Variants in SLA2 observed in about 807,000 individuals in gnomAD.
The protein encoded by SLA2 is Src like adaptor 2.
Under a neutral mutation model 27.3 loss-of-function variants are expected in SLA2, and 22 were observed. That is an observed-to-expected ratio of 0.81 (90% CI 0.58 to 1.15). The LOEUF (loss-of-function observed/expected upper bound fraction) is 1.15. Among genes scored for constraint, SLA2 ranks in the 50% most tolerant of loss-of-function variants. The pLI is 0.00. For synonymous variants in SLA2, 131 were observed against 137.8 expected (o/e 0.95, Z 0.34); for missense variants, 304 against 322.2 (o/e 0.94, Z 0.43).
chr20:36,617,772 G>A (rs6101451), intron 5 of SLA2, among the ~76,000 whole-genome samples: 3,962 of 151,220 alleles, frequency 0.026, 182 homozygotes, highest in African/African-American at 0.091. Flanking sequence ...CAGGAGACTC[G>A]CTTGAACCCA....
intron 3 of SLA2, among the ~76,000 whole-genome samples, chr20:36,634,234 C>A (rs1293903391): frequency 6.6e-6 from 1 of 152,090 alleles, no homozygotes; most frequent in Non-Finnish European, 1.5e-5. Context: ...GATCTGCCCA[C>A]CTCAGCCTCC....
chr20:36,615,892 T>C (rs754742926), intron 5 of SLA2, among the ~76,000 whole-genome samples: 32 of 152,236 alleles, frequency 2.1e-4, no homozygotes, highest in African/African-American at 5.8e-4. Context: ...TTTGTAAAAG[T>C]CAAAAACGGC....
In SLA2 at chr20:36,618,854, C is replaced by T. The variant is rs1025555051; in HGVS notation, c.383-3480G>A. On this transcript the variant is annotated intron_variant, in intron 5 of 7. Coordinates refer to ENST00000262866, the MANE Select transcript of SLA2 (RefSeq NM_032214.4). The stretch of plus-strand genomic sequence containing the variant: ...CCCAGGCAGCGGAGATTGCAGTGAG[C>T]CGAGATTGTACCATTTCACTACAGC... 2.2e-5 allele frequency among the ~76,000 whole-genome samples: 3 copies of T among 135,088 alleles called. No individual in the cohort carries two copies. In the Admixed American group the frequency reaches 2.6e-4, roughly 12 times the overall value. 88.6% of individuals were successfully genotyped at this position (135,088 alleles called of 152,430 possible).
rs1171943057 is a variant in SLA2, at chr20:36,613,889, C to T, written c.763G>A (p.Ala255Thr). Residue 255 changes from alanine (A) to threonine (T), a missense_variant, in exon 8 of 8, where the codon GCT becomes ACT. Ala to Thr is a moderately conservative substitution (Grantham distance 58). Coordinates refer to ENST00000262866, the MANE Select transcript of SLA2 (RefSeq NM_032214.4). ...LSFYISLNDE[A>T]VSLDDA ...GCCTAGGCATCATCCAAAGAGACAG[C>T]CTCGTCATTCAGGCTGATGTAGAAG... 5.0e-6 allele frequency: 8 copies of T among 1,613,916 alleles called. No homozygotes were observed. The highest frequency in any genetic ancestry group is 6.8e-6 in the Non-Finnish European group (8 of 1,179,930).
chr20:36,620,083 T>G (rs1454659120), intron 5 of SLA2, among the ~76,000 whole-genome samples: 1 of 149,984 alleles, frequency 6.7e-6, no homozygotes, highest in East Asian at 2.0e-4. Context: ...AGAGCGAGAT[T>G]CCACCTCAAG....
chr20:36,614,567 C>A (rs968374393), intron 6 of SLA2, 130 bp from the exon 7 acceptor site: 4 of 1,455,906 alleles, frequency 2.7e-6, no homozygotes, highest in Non-Finnish European at 3.6e-6. Flanking sequence ...GACATGAGCC[C>A]CAAGCTATTG....
chr20:36,614,907 A>G, intron 6 of SLA2: 4 of 985,400 alleles, frequency 4.1e-6, no homozygotes, highest in Non-Finnish European at 4.8e-6. Context: ...ATTGAATCCC[A>G]CACAGCAGCA....
chr20:36,615,327 G>T lies in SLA2; in HGVS notation c.430C>A (p.Arg144=). The change falls in exon 6 of 8, where the codon CGG becomes AGG. Residue 144 remains arginine (R), a synonymous_variant. Transcript: ENST00000262866. ...VRLSRPASWD[R]IRHYRIHCLD... The stretch of plus-strand genomic sequence containing the variant: ...CAGTGGATCCTGTAGTGTCTGATCC[G>T]GTCCCAGGATGCAGGGCGGCTGAGG... 6.2e-7 allele frequency: 1 copy of T among 1,614,092 alleles called. No individual in the cohort carries two copies.
intron 1 of SLA2, among the ~76,000 whole-genome samples, chr20:36,641,745 T>C (rs896429571): frequency 6.6e-6 from 1 of 152,020 alleles, no homozygotes; most frequent in East Asian, 1.9e-4. Flanking sequence ...TGAATTCCTA[T>C]GGCTCACTTA....
chr20:36,612,734 TTGG>T lies in SLA2; in HGVS notation c.*1129_*1131del, dbSNP rs1488086047. The T allele has an allele frequency of 4.8e-6, 1 of 206,514 alleles. No homozygotes were observed. The highest frequency in any genetic ancestry group is 1.0e-5 in the Non-Finnish European group (1 of 99,628). 12.8% of individuals were successfully genotyped at this position (206,514 alleles called of 1,614,324 possible). ...GCAGCAGGGAAATCAAGGGCTGGAT[TTGG>T]TGTAGGCTGTGGTCTCCGTCTTGGC... On this transcript the variant is annotated 3_prime_UTR_variant, in exon 8 of 8. Transcript: ENST00000262866.
intron 5 of SLA2, among the ~76,000 whole-genome samples, chr20:36,626,976 T>TA (rs1419917528): frequency 1.3e-5 from 2 of 151,980 alleles, no homozygotes; most frequent in African/African-American, 4.8e-5. Context: ...GGGTAGGTGA[T>TA]AGTCTGGGAA....
intron 6 of SLA2, 21 bp downstream of exon 6, chr20:36,615,204 G>A: frequency 2.5e-6 from 4 of 1,614,012 alleles, no homozygotes; most frequent in Non-Finnish European, 3.4e-6. Flanking sequence ...GCCTAGTCCT[G>A]GAGGCAGGGA....
chr20:36,645,676 G>A (rs1293986562), intron 1 of SLA2, among the ~76,000 whole-genome samples, 161 bp downstream of exon 1: 3 of 152,106 alleles, frequency 2.0e-5, no homozygotes, highest in Non-Finnish European at 4.4e-5. Context: ...GGGACCCCCA[G>A]AAACCACCCC....
rs752350101 is a variant in SLA2 at position 36,612,374 on chromosome 20, T to TAA, written c.*1490_*1491dup. ...GCACCTCTGGATTCAGATGAAACAT[T>TAA]AAATTGTCTTCCTCGATTCTCCATC... On this transcript the variant is annotated 3_prime_UTR_variant, in exon 8 of 8. Coordinates refer to ENST00000262866, the MANE Select transcript of SLA2 (RefSeq NM_032214.4). 66 of 717,108 alleles carry TAA rather than the reference T, an allele frequency of 9.2e-5. No individual in the cohort carries two copies. The highest frequency in any genetic ancestry group is 8.5e-4 in the Admixed American group (33 of 38,630). 44.4% of individuals were successfully genotyped at this position (717,108 alleles called of 1,614,324 possible).
chr20:36,614,248 GT>G (rs2039178691), intron 7 of SLA2, 56 bp downstream of exon 7: 3 of 1,613,566 alleles, frequency 1.9e-6, no homozygotes, highest in Non-Finnish European at 2.5e-6. Flanking sequence ...CTTCCCAGGG[GT>G]GGGTCCTTCT....
chr20:36,612,732 A>G lies in SLA2; in HGVS notation c.*1134T>C. 4.8e-6 allele frequency: 1 copy of G among 206,328 alleles called. No individual in the cohort carries two copies. The highest frequency in any genetic ancestry group is 1.0e-5 in the Non-Finnish European group (1 of 99,450). The allele number at this position is 206,328 out of a possible 1,614,324, so 12.8% of individuals were successfully genotyped here. ...AGGCAGCAGGGAAATCAAGGGCTGGATTTGGTGTAGGCTGTGGTCTCCGTC... is the reference window on the plus strand; with the variant it reads ...AGGCAGCAGGGAAATCAAGGGCTGGGTTTGGTGTAGGCTGTGGTCTCCGTC... On this transcript the variant is annotated 3_prime_UTR_variant, in exon 8 of 8. Transcript: ENST00000262866.
At chr20:36,644,009 C>T (rs550368221) in intron 1 of SLA2, among the ~76,000 whole-genome samples, 47 of 151,984 alleles carry the variant, frequency 3.1e-4, no homozygotes, top group African/African-American at 5.3e-4. Context: ...ATGGGGAGTT[C>T]GGCATTCATC....
intron 1 of SLA2, among the ~76,000 whole-genome samples, chr20:36,644,783 C>A (rs955800991): frequency 4.0e-5 from 6 of 151,674 alleles, no homozygotes; most frequent in Non-Finnish European, 7.4e-5. Flanking sequence ...ATGTGCCAGG[C>A]ACTTTCCGGA....
chr20:36,616,111 G>A (rs181812248), intron 5 of SLA2, among the ~76,000 whole-genome samples: 3 of 152,140 alleles, frequency 2.0e-5, no homozygotes, highest in East Asian at 1.9e-4. Context: ...AGGCACACAC[G>A]GCAAAGCTCT....
Sources: gnomAD v4.1 joint callset for allele counts (sites outside exome capture counted in the v4.1 genomes callset) on GRCh38, gnomAD v4.1.1 for gene constraint, MANE v1.5 for transcripts, NCBI Gene and HGNC (gene_info 2026-07-23, HGNC 2026-07-21) for gene names.